The following SLC47A1 variants were observed in gnomAD, a reference collection of about 807,000 sequenced individuals.
The protein encoded by SLC47A1 is solute carrier family 47 member 1, also known as multidrug and toxin extrusion protein 1.
Under a neutral mutation model 65.8 loss-of-function variants are expected in SLC47A1, and 58 were observed. The ratio of observed to expected loss-of-function variants is 0.88; its 90% CI spans 0.71 to 1.10. The LOEUF is 1.10. Among genes scored for constraint, SLC47A1 ranks in the 50% least tolerant of loss-of-function variants. The pLI, the probability that SLC47A1 is intolerant of heterozygous loss-of-function variation, is 0.00. For synonymous variants in SLC47A1, 285 were observed against 295.0 expected, an observed-to-expected ratio of 0.97 and a Z score of 0.35; for missense variants, 706 against 719.2, an observed-to-expected ratio of 0.98 and a Z score of 0.21.
At chr17:19,541,488 T>C (rs1209347431) in intron 1 of SLC47A1, among the ~76,000 whole-genome samples, 1 of 152,098 alleles carries the variant, frequency 6.6e-6, no homozygotes, top group Non-Finnish European at 1.5e-5. Context: ...TGTGGAGCAA[T>C]TCATAGAATT....
rs10735 is a variant in SLC47A1, at chr17:19,578,868, A to G, written c.*1315A>G. On this transcript the variant is annotated 3_prime_UTR_variant, in exon 17 of 17. Coordinates refer to ENST00000270570, the MANE Select transcript of SLC47A1 (RefSeq NM_018242.3). Reference sequence around the variant, plus strand: ...ACCAGTTGTAGCTTGCCAGCTCCCAACACCCTTCCTGGTGCCAATAAACTT... The same window carrying G: ...ACCAGTTGTAGCTTGCCAGCTCCCAGCACCCTTCCTGGTGCCAATAAACTT... 33,884 of 152,076 alleles carry G rather than the reference A, an allele frequency of 0.22. 3,987 individuals carry two copies. The highest frequency in any genetic ancestry group is 0.33 in the East Asian group (1,717 of 5,158). The allele number at this position is 152,076 out of a possible 1,614,324, so 9.4% of individuals were successfully genotyped here. A position where few individuals can be genotyped will look rare whatever the true frequency, so the allele number is the denominator to read the frequency against.
chr17:19,572,521 T>C (rs540056148), intron 15 of SLC47A1, among the ~76,000 whole-genome samples: 24 of 152,182 alleles, frequency 1.6e-4, no homozygotes, highest in African/African-American at 5.8e-4. Flanking sequence ...GGGATCTTGC[T>C]GTGTTGCGCA....
intron 1 of SLC47A1, among the ~76,000 whole-genome samples, chr17:19,540,835 C>T (rs550811916): frequency 7.2e-6 from 1 of 138,722 alleles, no homozygotes; most frequent in African/African-American, 2.9e-5. Context: ...AAGAAAGATA[C>T]TTCTCCTACA....
intron 13 of SLC47A1, 56 bp from the exon 14 acceptor site, chr17:19,567,040 G>A (rs977231536): frequency 8.1e-6 from 13 of 1,612,596 alleles, no homozygotes; most frequent in South Asian, 2.2e-5. Context: ...CGGGAGATGG[G>A]AGTGTTTCAA....
intron 14 of SLC47A1, among the ~76,000 whole-genome samples, chr17:19,568,967 C>G (rs969922913): frequency 3.3e-5 from 5 of 151,930 alleles, no homozygotes; most frequent in Non-Finnish European, 7.4e-5. Flanking sequence ...TCAAGTGATC[C>G]TCCCACCTTG....
In SLC47A1 at chr17:19,561,305, G is replaced by A. The variant is rs141430114; in HGVS notation, c.1106+812G>A. Among the ~76,000 whole-genome samples, 329 of 151,816 alleles carry A rather than the reference G, an allele frequency of 2.2e-3. 1 individual carries two copies. Among genetic ancestry groups the A allele is most frequent in the African/African-American group, 7.5e-3 (309 of 41,386 alleles). On this transcript the variant is annotated intron_variant, in intron 12 of 16. Transcript: ENST00000270570. The stretch of plus-strand genomic sequence containing the variant: ...TAAATTGGATAGATGCTATCATAGA[G>A]GCCACCTATGGTTGTTGCAGCAGGG...
chr17:19,568,244 C>G (rs982441390), intron 14 of SLC47A1, among the ~76,000 whole-genome samples: 1 of 152,016 alleles, frequency 6.6e-6, no homozygotes, highest in Non-Finnish European at 1.5e-5. Context: ...TTCTCAAGTT[C>G]AATAATATTT....
At chr17:19,566,273 T>C (rs1399760795) in intron 12 of SLC47A1, among the ~76,000 whole-genome samples, 2 of 152,182 alleles carry the variant, frequency 1.3e-5, no homozygotes, top group African/African-American at 2.4e-5. Flanking sequence ...TTGAAACATA[T>C]CTCTTGAAGA....
At chr17:19,571,423 CA>C (rs2084398792) in intron 14 of SLC47A1, 54 bp from the exon 15 acceptor site, 1 of 1,495,644 alleles carries the variant, frequency 6.7e-7, no homozygotes, top group Non-Finnish European at 9.3e-7. Flanking sequence ...ACATACTCCC[CA>C]GGGGCAGCTG....
At chr17:19,555,136 C>T (rs1916565457) in intron 6 of SLC47A1, 76 bp from the exon 7 acceptor site, 1 of 1,348,644 alleles carries the variant, frequency 7.4e-7, no homozygotes, top group South Asian at 1.2e-5. Flanking sequence ...CAGCTGGAGC[C>T]TGTGTGTGCT....
chr17:19,535,037 A>G (rs1474319217), intron 1 of SLC47A1: 1 of 152,200 alleles, frequency 6.6e-6, no homozygotes, highest in Non-Finnish European at 1.5e-5. Context: ...AGTTTGTGGG[A>G]TATTGTGGCA....
At chr17:19,538,511 G>T (rs1003181998) in intron 1 of SLC47A1, among the ~76,000 whole-genome samples, 1 of 152,248 alleles carries the variant, frequency 6.6e-6, no homozygotes, top group East Asian at 1.9e-4. Flanking sequence ...CTGAAAAATT[G>T]TAAGTCAGGA....
intron 10 of SLC47A1, among the ~76,000 whole-genome samples, chr17:19,558,230 C>T (rs528898563): frequency 9.2e-5 from 14 of 152,172 alleles, no homozygotes; most frequent in Admixed American, 5.9e-4. Flanking sequence ...ATTGTTCCTT[C>T]GTCTTTCTTG....
At chr17:19,540,196 T>C (rs920978086) in intron 1 of SLC47A1, among the ~76,000 whole-genome samples, 3 of 152,012 alleles carry the variant, frequency 2.0e-5, no homozygotes, top group African/African-American at 7.3e-5. Context: ...GGCAGTGCAA[T>C]TTGTGATGGT....
chr17:19,569,958 G>A (rs528286049), intron 14 of SLC47A1, among the ~76,000 whole-genome samples: 33 of 152,200 alleles, frequency 2.2e-4, no homozygotes, highest in African/African-American at 7.9e-4. Flanking sequence ...TATTCTAAGA[G>A]CAGGCTAGGC....
chr17:19,549,357 CT>C (rs1257699020), intron 4 of SLC47A1, among the ~76,000 whole-genome samples: 1 of 152,084 alleles, frequency 6.6e-6, no homozygotes, highest in Admixed American at 6.5e-5. Context: ...CGCCACCACA[CT>C]TGGTTAATAT....
intron 4 of SLC47A1, 134 bp downstream of exon 4, chr17:19,548,267 G>C: frequency 9.0e-7 from 1 of 1,108,312 alleles, no homozygotes; most frequent in East Asian, 2.6e-5. Context: ...ACGTCTCCTA[G>C]GTCTTAGTAC....
At chr17:19,566,767 C>T (rs1332789813) in intron 12 of SLC47A1, 23 bp from the exon 13 acceptor site, 3 of 1,612,102 alleles carry the variant, frequency 1.9e-6, no homozygotes, top group Non-Finnish European at 2.5e-6. Flanking sequence ...TCCTAATCAC[C>T]ACGTGCTTTA....
intron 7 of SLC47A1, 129 bp from the exon 8 acceptor site, chr17:19,555,464 G>T (rs2440149): frequency 7.9e-7 from 1 of 1,261,668 alleles, no homozygotes; most frequent in African/African-American, 1.5e-5. Flanking sequence ...GGAGGGTGAG[G>T]CTGCTCTGGG....
Sources: allele counts gnomAD v4.1 joint callset (sites outside exome capture counted in the v4.1 genomes callset), GRCh38; gene constraint gnomAD v4.1.1; transcripts MANE v1.5; gene names NCBI Gene and HGNC (gene_info 2026-07-23, HGNC 2026-07-21).